The following SKAP1 variants were observed in gnomAD, a reference collection of about 807,000 sequenced individuals.
SKAP1 encodes the protein src kinase associated phosphoprotein 1.
Under a neutral mutation model 58.5 loss-of-function variants are expected in SKAP1, and 44 were observed. That is an observed-to-expected ratio of 0.75 (90% CI 0.59 to 0.97). SKAP1 has a LOEUF of 0.97. Among genes scored for constraint, SKAP1 ranks in the 50% least tolerant of loss-of-function variants. The pLI is 0.00. For missense variants in SKAP1, 390 were observed against 435.2 expected (o/e 0.90, Z 0.92); for synonymous variants, 127 against 149.7 (o/e 0.85, Z 1.11).
At chr17:48,408,031 A>C (rs1401065517) in intron 1 of SKAP1, among the ~76,000 whole-genome samples, 1 of 152,190 alleles carries the variant, frequency 6.6e-6, no homozygotes, top group Non-Finnish European at 1.5e-5. Context: ...AGGAGCAAAA[A>C]CAAAATTTTT....
At chr17:48,212,919 C>T (rs749830272) in intron 4 of SKAP1, among the ~76,000 whole-genome samples, 9 of 152,192 alleles carry the variant, frequency 5.9e-5, no homozygotes, top group Non-Finnish European at 8.8e-5. Context: ...GGTTGATTGG[C>T]GTGCAGAATT....
At chr17:48,191,063 AC>A (rs1232037463) in intron 4 of SKAP1, among the ~76,000 whole-genome samples, 8 of 152,222 alleles carry the variant, frequency 5.3e-5, no homozygotes, top group African/African-American at 1.7e-4. Flanking sequence ...CCTGAAACTT[AC>A]ATCAGCCTTT....
rs372606700 is a variant in SKAP1 at position 48,266,731 on chromosome 17, C to T, written c.281-77231G>A. 1.6e-4 allele frequency among the ~76,000 whole-genome samples: 25 copies of T among 152,066 alleles called. No homozygotes were observed. The South Asian group carries it at 2.3e-3, about 14-fold the overall frequency. On this transcript the variant is annotated intron_variant, in intron 4 of 12. Coordinates refer to ENST00000336915, the MANE Select transcript of SKAP1 (RefSeq NM_003726.4). ...TTCACTGTGTTGGCCAGGATGGTCT[C>T]GATCTCTTGACCTCGTGATCCACCA...
chr17:48,264,725 A>G (rs1480682745), intron 4 of SKAP1, among the ~76,000 whole-genome samples: 1 of 150,278 alleles, frequency 6.7e-6, no homozygotes, highest in Non-Finnish European at 1.5e-5. Context: ...ACTTAAACTT[A>G]CATTTAATCA....
At chr17:48,261,010 T>G (rs2065478725) in intron 4 of SKAP1, among the ~76,000 whole-genome samples, 1 of 152,206 alleles carries the variant, frequency 6.6e-6, no homozygotes, top group African/African-American at 2.4e-5. Flanking sequence ...TGATGTGAAT[T>G]TAATCACTCC....
chr17:48,323,955 C>T (rs1304382901), intron 4 of SKAP1, among the ~76,000 whole-genome samples: 1 of 152,062 alleles, frequency 6.6e-6, no homozygotes, highest in Non-Finnish European at 1.5e-5. Flanking sequence ...GCTCCTCACA[C>T]ATTCTCATGT....
At chr17:48,148,516 C>G (rs753711724) in intron 11 of SKAP1, among the ~76,000 whole-genome samples, 2 of 152,194 alleles carry the variant, frequency 1.3e-5, no homozygotes, top group African/African-American at 4.8e-5. Flanking sequence ...CTGTTTTGCT[C>G]TGACCGCAGT....
rs529097291 is a variant in SKAP1, at chr17:48,423,338, T to C, written c.46+6737A>G. Among the ~76,000 whole-genome samples, 5 of 152,264 alleles carry C rather than the reference T, an allele frequency of 3.3e-5. No individual in the cohort carries two copies. In the East Asian group the frequency reaches 7.7e-4, roughly 23 times the overall value. On this transcript the variant is annotated intron_variant, in intron 1 of 12. Coordinates refer to ENST00000336915, the MANE Select transcript of SKAP1 (RefSeq NM_003726.4). ...TTTAGAGGCTTAGTTGAGGGGAGGT[T>C]GAAGGAAGGGGAAAAGTGTGACCCC...
chr17:48,398,727 C>T (rs138645159), intron 1 of SKAP1, among the ~76,000 whole-genome samples: 4,663 of 152,154 alleles, frequency 0.031, 98 homozygotes, highest in South Asian at 0.049. Context: ...CCTGTAATCT[C>T]AGCACTTTGG....
chr17:48,171,524 T>C (rs1270545172), intron 9 of SKAP1, among the ~76,000 whole-genome samples: 6 of 152,192 alleles, frequency 3.9e-5, no homozygotes, highest in Non-Finnish European at 8.8e-5. Context: ...GACATTGCAC[T>C]AGGAACTGGG....
chr17:48,214,614 C>A (rs991419980), intron 4 of SKAP1, among the ~76,000 whole-genome samples: 1 of 87,254 alleles, frequency 1.1e-5, no homozygotes, highest in African/African-American at 3.0e-5. Context: ...TTCTCCAGTT[C>A]CTTTTTTTTT....
At chr17:48,406,594 T>A (rs2067588316) in intron 1 of SKAP1, among the ~76,000 whole-genome samples, 1 of 148,708 alleles carries the variant, frequency 6.7e-6, no homozygotes, top group African/African-American at 2.5e-5. Flanking sequence ...AGATGGAGTC[T>A]AACTTATGTC....
At chr17:48,379,709 T>C (rs1052599156) in intron 2 of SKAP1, among the ~76,000 whole-genome samples, 1 of 144,228 alleles carries the variant, frequency 6.9e-6, no homozygotes, top group Non-Finnish European at 1.5e-5. Flanking sequence ...TGAGACAGAG[T>C]CTTACTCTGT....
At chr17:48,432,970 A>G (rs1203099036), upstream of SKAP1, among the ~76,000 whole-genome samples, 1 of 152,216 alleles carries the variant, frequency 6.6e-6, no homozygotes, top group East Asian at 1.9e-4. Flanking sequence ...TTAGAGAGAC[A>G]GGGGTAGAGG....
intron 4 of SKAP1, among the ~76,000 whole-genome samples, chr17:48,270,126 A>G (rs1487654324): frequency 6.6e-6 from 1 of 152,176 alleles, no homozygotes; most frequent in Non-Finnish European, 1.5e-5. Flanking sequence ...AAAAGAAAAC[A>G]ACTTTATTAT....
At chr17:48,337,204 C>T (rs1285315284) in intron 4 of SKAP1, among the ~76,000 whole-genome samples, 2 of 152,118 alleles carry the variant, frequency 1.3e-5, no homozygotes, top group African/African-American at 4.8e-5. Context: ...AAGGCTGTCA[C>T]TCAAAGTTAG....
rs376567367 is a variant in SKAP1 at position 48,205,037 on chromosome 17, T to TTCTC, written c.281-15541_281-15538dup. Among the ~76,000 whole-genome samples the TTCTC allele has an allele frequency of 3.0e-3, 168 of 55,790 alleles. 3 individuals are homozygous for TTCTC. Among genetic ancestry groups the TTCTC allele is most frequent in the Non-Finnish European group, 4.1e-3 (105 of 25,436 alleles). 36.6% of individuals were successfully genotyped at this position (55,790 alleles called of 152,430 possible). A position where few individuals can be genotyped will look rare whatever the true frequency, so the allele number is the denominator to read the frequency against. On this transcript the variant is annotated intron_variant, in intron 4 of 12. Transcript: ENST00000336915. Reference sequence around the variant, plus strand: ...TCTTTTTCTTTCTTTCTTTCTTTCTTTCTCTCTCTCTCTTTCTTTCTTCTT... The same window carrying TTCTC: ...TCTTTTTCTTTCTTTCTTTCTTTCTTTCTCTCTCTCTCTCTCTTTCTTTCTTCTT...
chr17:48,312,008 C>A (rs185105846), intron 4 of SKAP1, among the ~76,000 whole-genome samples: 5 of 152,312 alleles, frequency 3.3e-5, no homozygotes, highest in East Asian at 3.9e-4. Flanking sequence ...CTACAAAAAT[C>A]TTTCTAAGGA....
chr17:48,168,308 A>G (rs2064165414), intron 10 of SKAP1, among the ~76,000 whole-genome samples: 1 of 152,318 alleles, frequency 6.6e-6, no homozygotes, highest in South Asian at 2.1e-4. Context: ...GGAAAAAAGG[A>G]AGAAGGGAAA....
Sources: allele counts gnomAD v4.1 joint callset (sites outside exome capture counted in the v4.1 genomes callset), GRCh38; gene constraint gnomAD v4.1.1; transcripts MANE v1.5; gene names NCBI Gene and HGNC (gene_info 2026-07-23, HGNC 2026-07-21).